Variants in NBEAL1 observed in about 807,000 individuals in gnomAD.
NBEAL1 encodes the protein neurobeachin-like protein 1.
Under a neutral mutation model 351.3 loss-of-function variants are expected in NBEAL1, and 273 were observed. The ratio of observed to expected loss-of-function variants is 0.78; its 90% CI spans 0.70 to 0.86. The LOEUF is 0.86. NBEAL1 is among the 40% of genes least tolerant of loss of function. The pLI is 0.00. For missense variants in NBEAL1, 2,961 were observed against 3,201.3 expected (o/e 0.92, Z 1.81); for synonymous variants, 1,050 against 1,086.4 (o/e 0.97, Z 0.66).
intron 39 of NBEAL1, among the ~76,000 whole-genome samples, chr2:203,170,703 A>G (rs915872785): frequency 6.6e-6 from 1 of 152,128 alleles, no homozygotes; most frequent in Non-Finnish European, 1.5e-5. Context: ...CCCATCAGCA[A>G]TTCTTTACTA....
At chr2:203,157,592 ATTG>A in intron 35 of NBEAL1, 104 bp from the exon 36 acceptor site, 2 of 747,440 alleles carry the variant, frequency 2.7e-6, no homozygotes, top group Non-Finnish European at 3.9e-6. Flanking sequence ...TAATATACAT[ATTG>A]TTATATCTAA....
intron 40 of NBEAL1, among the ~76,000 whole-genome samples, chr2:203,172,472 G>A (rs2064352122): frequency 6.6e-6 from 1 of 152,168 alleles, no homozygotes; most frequent in African/African-American, 2.4e-5. Flanking sequence ...AGTGAGCCGA[G>A]ATCATGACAC....
chr2:203,102,218 A>G (rs2062342063), intron 12 of NBEAL1, among the ~76,000 whole-genome samples: 2 of 152,210 alleles, frequency 1.3e-5, no homozygotes, highest in Admixed American at 6.5e-5. Context: ...GGCAGAGACT[A>G]TGGGGTTTTC....
chr2:203,120,648 G>A (rs1046235684), intron 18 of NBEAL1, among the ~76,000 whole-genome samples: 1 of 152,154 alleles, frequency 6.6e-6, no homozygotes, highest in African/African-American at 2.4e-5. Flanking sequence ...AACCTCCTAT[G>A]TCAGAGTAGA....
intron 23 of NBEAL1, among the ~76,000 whole-genome samples, chr2:203,127,199 C>A (rs756615498): frequency 2.6e-5 from 4 of 152,168 alleles, no homozygotes; most frequent in Non-Finnish European, 5.9e-5. Flanking sequence ...AAAACTGTTA[C>A]CTCCTTTGGT....
chr2:203,174,419 G>A (rs559740609), intron 41 of NBEAL1, among the ~76,000 whole-genome samples: 21 of 152,012 alleles, frequency 1.4e-4, no homozygotes, highest in African/African-American at 4.6e-4. Context: ...AACAATATAT[G>A]TAGCACTTTT....
intron 6 of NBEAL1, among the ~76,000 whole-genome samples, chr2:203,059,810 A>G (rs2061467564): frequency 6.6e-6 from 1 of 152,226 alleles, no homozygotes; most frequent in Non-Finnish European, 1.5e-5. Context: ...ATTGAGCCCA[A>G]TAGTTCAAGG....
intron 2 of NBEAL1, among the ~76,000 whole-genome samples, chr2:203,021,992 A>G (rs376227967): frequency 1.3e-5 from 2 of 152,068 alleles, no homozygotes; most frequent in Non-Finnish European, 1.5e-5. Flanking sequence ...CAGAAGTTGC[A>G]GTGACCTGAG....
intron 19 of NBEAL1, 149 bp downstream of exon 19, chr2:203,122,492 A>T (rs962593376): frequency 3.0e-5 from 17 of 573,544 alleles, no homozygotes; most frequent in African/African-American, 7.9e-5. Context: ...GGGTAAACAA[A>T]TGCAAAGTTA....
At chr2:203,042,341 A>G (rs1431173500) in intron 3 of NBEAL1, among the ~76,000 whole-genome samples, 2 of 152,254 alleles carry the variant, frequency 1.3e-5, no homozygotes, top group Non-Finnish European at 2.9e-5. Flanking sequence ...GAATACACAT[A>G]GGACAAGGTG....
chr2:203,161,168 A>G (rs1025262181), intron 36 of NBEAL1, among the ~76,000 whole-genome samples: 2 of 151,788 alleles, frequency 1.3e-5, no homozygotes, highest in East Asian at 3.9e-4. Context: ...TCTACTAAAA[A>G]TACAAAAAAT....
At chr2:203,177,042 T>G (rs977557153) in intron 42 of NBEAL1, among the ~76,000 whole-genome samples, 1 of 151,316 alleles carries the variant, frequency 6.6e-6, no homozygotes, top group African/African-American at 2.4e-5. Context: ...TCCCAGCTAC[T>G]TGGGAGGCTG....
intron 10 of NBEAL1, among the ~76,000 whole-genome samples, chr2:203,093,258 A>T (rs112241739): frequency 7.7e-6 from 1 of 129,820 alleles, no homozygotes; most frequent in Middle Eastern, 3.9e-3. Context: ...AAAAAAAAAA[A>T]GAATCTGCTT....
rs751478800 is a variant in NBEAL1, at chr2:203,138,232, G to C, written c.4636G>C (p.Glu1546Gln). Residue 1546 changes from glutamate to glutamine, a missense_variant, in exon 30 of 56, where the codon GAA (glutamate) becomes CAA (glutamine). By Grantham distance (29) the Glu-to-Gln change is conservative. Coordinates refer to ENST00000683969, the MANE Select transcript of NBEAL1 (RefSeq NM_001378026.1). ...REAKTNPVTA[E>Q]NAFRLVLIIQ... Reference sequence around the variant, plus strand: ...AGCAAAAACTAATCCAGTAACTGCTGAAAACGCCTTCCGACTAGTGCTGAT... The same window carrying C: ...AGCAAAAACTAATCCAGTAACTGCTCAAAACGCCTTCCGACTAGTGCTGAT... The C allele has an allele frequency of 1.2e-5, 20 of 1,614,090 alleles. No homozygotes were observed. Among genetic ancestry groups the C allele is most frequent in the Non-Finnish European group, 1.7e-5 (20 of 1,179,966 alleles).
chr2:203,040,562 C>G (rs1166215158), intron 2 of NBEAL1: 2 of 668,020 alleles, frequency 3.0e-6, no homozygotes, highest in Non-Finnish European at 5.6e-6. Context: ...CGGGAACTCA[C>G]TTGGAAACAT....
chr2:203,133,277 A>G (rs549835115), intron 27 of NBEAL1, 131 bp downstream of exon 27: 1 of 434,546 alleles, frequency 2.3e-6, no homozygotes, highest in Non-Finnish European at 4.1e-6. Context: ...TAAGTAAACA[A>G]TTTTCTTTTT....
At chr2:203,195,320 T>TAA (rs2065209700) in intron 47 of NBEAL1, among the ~76,000 whole-genome samples, 1 of 152,244 alleles carries the variant, frequency 6.6e-6, no homozygotes, top group Non-Finnish European at 1.5e-5. Context: ...GTACATGCTT[T>TAA]CACGTGTTTG....
At chr2:203,215,917 G>A (rs978018866) in intron 55 of NBEAL1, among the ~76,000 whole-genome samples, 1 of 150,978 alleles carries the variant, frequency 6.6e-6, no homozygotes, top group Non-Finnish European at 1.5e-5. Flanking sequence ...AGGCTACGGT[G>A]GGAGGATTGC....
At chr2:203,041,605 C>T (rs992583429) in intron 2 of NBEAL1, among the ~76,000 whole-genome samples, 160 bp from the exon 3 acceptor site, 1 of 152,164 alleles carries the variant, frequency 6.6e-6, no homozygotes, top group African/African-American at 2.4e-5. Flanking sequence ...TTGAGAGTTC[C>T]ATATACTTAA....
Sources: allele counts gnomAD v4.1 joint callset (sites outside exome capture counted in the v4.1 genomes callset), GRCh38; gene constraint gnomAD v4.1.1; transcripts MANE v1.5; gene names NCBI Gene and HGNC (gene_info 2026-07-23, HGNC 2026-07-21).